NYAP1: variants seen among roughly 807,000 people sequenced by gnomAD.
NYAP1 encodes the protein neuronal tyrosine-phosphorylated phosphoinositide-3-kinase adapter 1.
A neutral mutation model predicts 58.6 loss-of-function variants in NYAP1; 20 were observed. The observed-to-expected ratio is 0.34, with a 90% CI of 0.24 to 0.50. NYAP1 has a LOEUF of 0.50. Among genes scored for constraint, NYAP1 ranks in the 20% least tolerant of loss-of-function variants. The pLI is 0.98. For synonymous variants in NYAP1, 572 were observed against 523.1 expected, an observed-to-expected ratio of 1.09 and a Z score of -1.27; for missense variants, 1,150 against 1,194.5, an observed-to-expected ratio of 0.96 and a Z score of 0.55.
intron 6 of NYAP1, 67 bp from the exon 7 acceptor site, chr7:100,493,579 C>T: frequency 7.2e-7 from 1 of 1,380,468 alleles, no homozygotes; most frequent in Non-Finnish European, 9.7e-7. Context: ...GCAGTGCGGA[C>T]CCGTCCGGTC....
chr7:100,490,534 C>G lies in NYAP1; in HGVS notation c.1963C>G (p.Arg655Gly). Residue 655 changes from arginine (R) to glycine (G), a missense_variant, in exon 5 of 7, where the codon CGG becomes GGG. Arg to Gly is a moderately radical substitution (Grantham distance 125). Transcript: ENST00000300179. This position sits in a 1 kb window ranked among gnomAD's most constrained non-coding sequence, Gnocchi z 4.6. ...KELDKVEDGA[R>G]AWNGSAEGPG... ...CCCAGCAGAGGTCGAGGACGGTGCC[C>G]GGGCCTGGAATGGCAGTGCCGAGGG... is the stretch of plus-strand genomic sequence containing the variant. 6.3e-7 allele frequency: 1 copy of G among 1,585,950 alleles called. No homozygotes were observed. Among genetic ancestry groups the G allele is most frequent in the Non-Finnish European group, 8.6e-7 (1 of 1,166,418 alleles).
chr7:100,489,116 G>T lies in NYAP1; in HGVS notation c.1395G>T (p.Ser465=). 2 of 1,591,380 alleles carry T rather than the reference G, an allele frequency of 1.3e-6. No individual in the cohort carries two copies. The highest frequency in any genetic ancestry group is 1.7e-6 in the Non-Finnish European group (2 of 1,169,486). ...DKAVSYTMVY[S]AVKVTTHSVL... ...CCGTGTCTTACACCATGGTGTACTC[G>T]GCGGTCAAGGTGACCACGCACTCTG... Residue 465 remains serine (S), a synonymous_variant, in exon 4 of 7, where the codon TCG becomes TCT. Transcript: ENST00000300179.
Position 100,493,699 on chromosome 7 carries a change from G to T in NYAP1, c.2322G>T (p.Glu774Asp). The T allele has an allele frequency of 6.3e-7, 1 of 1,595,894 alleles. No individual in the cohort carries two copies. Among genetic ancestry groups the T allele is most frequent in the East Asian group, 2.3e-5 (1 of 44,408 alleles). ...PLPLPPQPARERDGKLLEVIE... is the reference protein window; with the variant it reads ...PLPLPPQPARDRDGKLLEVIE... ...CCCTGCCGCCCCAGCCGGCCCGCGA[G>T]CGTGACGGGAAGCTGCTGGAGGTGA... is the stretch of plus-strand genomic sequence containing the variant. The change falls in exon 7 of 7, where the codon GAG (glutamate) becomes GAT (aspartate). Residue 774 changes from glutamate to aspartate, a missense_variant. Physicochemically the swap from Glu to Asp is conservative, Grantham distance 45. Coordinates refer to ENST00000300179, the MANE Select transcript of NYAP1 (RefSeq NM_173564.4).
At position 100,486,736 on chromosome 7, in the gene NYAP1, G is replaced by C; in HGVS notation, c.69-85G>C. ...CGTCCTCTTCCCTGGGAAGCCACAG[G>C]GTTGCTGACACCTCTTGGGGTGGAG... On this transcript the variant is annotated intron_variant, in intron 2 of 6. Transcript: ENST00000300179. This position sits in a 1 kb window ranked among gnomAD's most constrained non-coding sequence, Gnocchi z 6.2. 7.2e-7 allele frequency: 1 copy of C among 1,386,064 alleles called. No homozygotes were observed. Among genetic ancestry groups the C allele is most frequent in the Non-Finnish European group, 9.3e-7 (1 of 1,070,660 alleles). The allele number at this position is 1,386,064 out of a possible 1,614,324, so 85.9% of individuals were successfully genotyped here. A position where few individuals can be genotyped will look rare whatever the true frequency, so the allele number is the denominator to read the frequency against.
At position 100,493,647 on chromosome 7, in the gene NYAP1, C is replaced by G. The variant is rs764233418; in HGVS notation, c.2270C>G (p.Pro757Arg). ...CSQPRDALSQ[P>R]HPALPLPLPL... ...CTTTCTCCCCCGCCCGCGGCACAGC[C>G]CCACCCCGCGCTGCCGCTGCCTCTG... is the stretch of plus-strand genomic sequence containing the variant. Residue 757 changes from proline to arginine, a missense_variant and splice_region_variant, in exon 7 of 7, where the codon CCC (proline) becomes CGC (arginine). Pro to Arg is a moderately radical substitution (Grantham distance 103, BLOSUM62 -2). Coordinates refer to ENST00000300179, the MANE Select transcript of NYAP1 (RefSeq NM_173564.4). The G allele has an allele frequency of 2.2e-5, 34 of 1,576,120 alleles. No individual in the cohort carries two copies. The highest frequency in any genetic ancestry group is 2.8e-5 in the Non-Finnish European group (33 of 1,167,544).
At chr7:100,492,182 TGA>T (rs1799805261) in intron 6 of NYAP1, among the ~76,000 whole-genome samples, 1 of 150,500 alleles carries the variant, frequency 6.6e-6, no homozygotes, top group African/African-American at 2.5e-5. Flanking sequence ...GAGGCTGCAG[TGA>T]GCCAAGATCA....
Position 100,488,866 on chromosome 7 carries a change from C to A in NYAP1, c.1145C>A (p.Thr382Lys). Reference sequence around the variant, plus strand: ...CAAGTGCCTGCACGGGAGCGGGAGACGCCTCCCCCACCGCCTCCACCTCCT... The same window carrying A: ...CAAGTGCCTGCACGGGAGCGGGAGAAGCCTCCCCCACCGCCTCCACCTCCT... Reference protein sequence around the residue: ...APQVPARERETPPPPPPPPAA... With the variant: ...APQVPAREREKPPPPPPPPAA... The change falls in exon 4 of 7, where the codon ACG becomes AAG. Residue 382 changes from threonine to lysine, a missense_variant. Coordinates refer to ENST00000300179, the MANE Select transcript of NYAP1 (RefSeq NM_173564.4). This position sits in a 1 kb window ranked among gnomAD's most constrained non-coding sequence, Gnocchi z 5.9. 1 of 1,599,638 alleles carries A rather than the reference C, an allele frequency of 6.3e-7. No individual in the cohort carries two copies. The highest frequency in any genetic ancestry group is 8.5e-7 in the Non-Finnish European group (1 of 1,175,022).
chr7:100,493,905 G>T lies in NYAP1; in HGVS notation c.*2G>T. ...GTCCTCTGGGACACCGCCATCTGAG[G>T]CGGGCGGGGGGGTACCGGGGCGCCT... On this transcript the variant is annotated 3_prime_UTR_variant, in exon 7 of 7. Transcript: ENST00000300179. 1 of 1,441,776 alleles carries T rather than the reference G, an allele frequency of 6.9e-7. No homozygotes were observed. The highest frequency in any genetic ancestry group is 1.4e-5 in the South Asian group (1 of 69,364). The allele number at this position is 1,441,776 out of a possible 1,614,324, so 89.3% of individuals were successfully genotyped here. A position where few individuals can be genotyped will look rare whatever the true frequency, so the allele number is the denominator to read the frequency against.
chr7:100,493,503 A>G, intron 6 of NYAP1, 143 bp from the exon 7 acceptor site: 1 of 763,792 alleles, frequency 1.3e-6, no homozygotes, highest in Non-Finnish European at 2.0e-6. Context: ...CCACAGCCAG[A>G]GGGAGCCAGC....
Position 100,485,097 on chromosome 7 carries a change from TTTTC to T in NYAP1, c.-84-129_-84-126del. The T allele has an allele frequency of 1.7e-6, 1 of 575,674 alleles. No individual in the cohort carries two copies. Among genetic ancestry groups the T allele is most frequent in the Non-Finnish European group, 3.1e-6 (1 of 321,642 alleles). 35.7% of individuals were successfully genotyped at this position (575,674 alleles called of 1,614,324 possible). ...TGTGGGTCCTCGAAGCTGTGTTGGG[TTTTC>T]TGTCTGTGTTTTCCTCTCTGAGGAC... On this transcript the variant is annotated intron_variant, in intron 1 of 6. Coordinates refer to ENST00000300179, the MANE Select transcript of NYAP1 (RefSeq NM_173564.4). The surrounding 1 kb of genome is among the most constrained non-coding windows in gnomAD (Gnocchi z 5.7).
rs979924550 is a variant in NYAP1 at position 100,494,618 on chromosome 7, C to G, written c.*715C>G. 9.4e-6 allele frequency: 1 copy of G among 106,816 alleles called. No homozygotes were observed. The highest frequency in any genetic ancestry group is 1.3e-4 in the Admixed American group (1 of 7,612). The allele number at this position is 106,816 out of a possible 1,614,324, so 6.6% of individuals were successfully genotyped here. A position where few individuals can be genotyped will look rare whatever the true frequency, so the allele number is the denominator to read the frequency against. ...TCTGAATCAGGCATCTTATTTAGTT[C>G]TGGGGTGAGGGTCTAGTGCCAGGGA... On this transcript the variant is annotated 3_prime_UTR_variant, in exon 7 of 7. Coordinates refer to ENST00000300179, the MANE Select transcript of NYAP1 (RefSeq NM_173564.4).
rs1394218125 is a variant in NYAP1 at position 100,486,748 on chromosome 7, C to T, written c.69-73C>T. On this transcript the variant is annotated intron_variant, in intron 2 of 6. Coordinates refer to ENST00000300179, the MANE Select transcript of NYAP1 (RefSeq NM_173564.4). The surrounding 1 kb of genome is among the most constrained non-coding windows in gnomAD (Gnocchi z 6.2). ...TGGGAAGCCACAGGGTTGCTGACAC[C>T]TCTTGGGGTGGAGAAGGGGGATGCC... 2 of 1,404,122 alleles carry T rather than the reference C, an allele frequency of 1.4e-6. No homozygotes were observed. The highest frequency in any genetic ancestry group is 3.0e-5 in the African/African-American group (2 of 66,902). 87.0% of individuals were successfully genotyped at this position (1,404,122 alleles called of 1,614,324 possible).
In NYAP1 at chr7:100,493,910, C is replaced by CG. The variant is rs934406928; in HGVS notation, c.*14dup. 60 of 1,433,040 alleles carry CG rather than the reference C, an allele frequency of 4.2e-5. No homozygotes were observed. The highest frequency in any genetic ancestry group is 2.2e-4 in the Admixed American group (8 of 37,008). 88.8% of individuals were successfully genotyped at this position (1,433,040 alleles called of 1,614,324 possible). A position where few individuals can be genotyped will look rare whatever the true frequency, so the allele number is the denominator to read the frequency against. On this transcript the variant is annotated 3_prime_UTR_variant, in exon 7 of 7. Coordinates refer to ENST00000300179, the MANE Select transcript of NYAP1 (RefSeq NM_173564.4). Reference sequence around the variant, plus strand: ...CTGGGACACCGCCATCTGAGGCGGGCGGGGGGGTACCGGGGCGCCTGGACT... The same window carrying CG: ...CTGGGACACCGCCATCTGAGGCGGGCGGGGGGGGTACCGGGGCGCCTGGACT...
rs1232083919 is a variant in NYAP1 at position 100,489,071 on chromosome 7, C to T, written c.1350C>T (p.Pro450=). ...AAPPAPAALL[P]GPPKDKAVSY... is the part of the protein sequence containing the mutation. The stretch of plus-strand genomic sequence containing the variant: ...CCCCTGCCCCGGCCGCCTTGCTCCC[C>T]GGCCCCCCCAAGGACAAGGCCGTGT... Residue 450 remains proline, a synonymous_variant, in exon 4 of 7, where the codon CCC becomes CCT. Transcript: ENST00000300179. 9.1e-6 allele frequency: 14 copies of T among 1,545,994 alleles called. No individual in the cohort carries two copies. The highest frequency in any genetic ancestry group is 4.8e-5 in the East Asian group (2 of 41,620).
rs950712570 is a variant in NYAP1 at position 100,490,343 on chromosome 7, T to G, written c.1946-174T>G. Among the ~76,000 whole-genome samples, 8 of 151,716 alleles carry G rather than the reference T, an allele frequency of 5.3e-5. No individual in the cohort carries two copies. Among genetic ancestry groups the G allele is most frequent in the Non-Finnish European group, 7.4e-5 (5 of 67,918 alleles). ...GTACCAATGGGTGGAAAGGAAGGGG[T>G]GTGTGTGTGTTTGTATGTATGTTGG... On this transcript the variant is annotated intron_variant, in intron 4 of 6. Transcript: ENST00000300179. The surrounding 1 kb of genome is among the most constrained non-coding windows in gnomAD (Gnocchi z 4.6).
rs549112687 is a variant in NYAP1, at chr7:100,491,717, G to A, written c.2268+622G>A. 5.3e-5 allele frequency among the ~76,000 whole-genome samples: 8 copies of A among 152,174 alleles called. No homozygotes were observed. The East Asian group carries it at 1.5e-3, about 29-fold the overall frequency. ...ACTTGAGGTCAGGAGTTTGAGACCA[G>A]CCTGGCCAATGTGGTGAAACCCTGT... On this transcript the variant is annotated intron_variant, in intron 6 of 6. Coordinates refer to ENST00000300179, the MANE Select transcript of NYAP1 (RefSeq NM_173564.4).
intron 6 of NYAP1, among the ~76,000 whole-genome samples, chr7:100,492,078 A>G (rs1472311517): frequency 6.6e-6 from 1 of 150,580 alleles, no homozygotes; most frequent in Non-Finnish European, 1.5e-5. Context: ...AAAAACAAAA[A>G]CCCCACAGAA....
At chr7:100,493,585 C>T (rs531110801) in intron 6 of NYAP1, 61 bp from the exon 7 acceptor site, 3 of 1,414,586 alleles carry the variant, frequency 2.1e-6, no homozygotes, top group East Asian at 2.6e-5. Flanking sequence ...CGGACCCGTC[C>T]GGTCATGCTG....
At chr7:100,484,650 A>AG (rs1799681108) in intron 1 of NYAP1, among the ~76,000 whole-genome samples, 1 of 152,032 alleles carries the variant, frequency 6.6e-6, no homozygotes, top group African/African-American at 2.4e-5. Flanking sequence ...AGCCCAAGAT[A>AG]GGGGGGAGAG....
Sources: gnomAD v4.1 joint callset for allele counts (sites outside exome capture counted in the v4.1 genomes callset) on GRCh38, gnomAD v4.1.1 for gene constraint, Gnocchi (gnomAD v3.1) non-coding constraint, MANE v1.5 for transcripts, NCBI Gene and HGNC (gene_info 2026-07-23, HGNC 2026-07-21) for gene names.